MAST4: variants seen among roughly 807,000 people sequenced by gnomAD.
MAST4 encodes microtubule associated serine/threonine kinase family member 4.
MAST4 carries 89 observed loss-of-function variants against 162.7 expected under a neutral mutation model. The ratio of observed to expected loss-of-function variants is 0.55; its 90% CI spans 0.46 to 0.65. The LOEUF (loss-of-function observed/expected upper bound fraction) is 0.65. Among genes scored for constraint, MAST4 ranks in the 30% least tolerant of loss-of-function variants. The pLI is 0.00. For synonymous variants in MAST4, 1,479 were observed against 1,361.1 expected (o/e 1.09, Z -1.91); for missense variants, 3,153 against 3,374.0 (o/e 0.93, Z 1.62).
chr5:66,902,129 G>A (rs1314000494), intron 4 of MAST4, among the ~76,000 whole-genome samples: 4 of 152,088 alleles, frequency 2.6e-5, no homozygotes, highest in Non-Finnish European at 5.9e-5. Flanking sequence ...AGAAAGATTG[G>A]GGTTTGCTTC....
intron 1 of MAST4, among the ~76,000 whole-genome samples, chr5:66,675,109 G>A (rs2149477748): frequency 6.6e-6 from 1 of 152,314 alleles, no homozygotes; most frequent in South Asian, 2.1e-4. Context: ...CGCCTTCTGT[G>A]CCATGCACTC....
chr5:66,868,491 C>CTTTT lies in MAST4; in HGVS notation c.643-31447_643-31444dup, dbSNP rs59614413. 1.2e-4 allele frequency among the ~76,000 whole-genome samples: 16 copies of CTTTT among 135,664 alleles called. 1 individual carries two copies. In the East Asian group the frequency reaches 2.5e-3, roughly 22 times the overall value. The allele number at this position is 135,664 out of a possible 152,430, so 89.0% of individuals were successfully genotyped here. ...TATATACGCAAATAACCATCACAAACTTTTTTTTTTTTTTTTAGCAATAGG... is the reference window on the plus strand; with the variant it reads ...TATATACGCAAATAACCATCACAAACTTTTTTTTTTTTTTTTTTTTAGCAATAGG... On this transcript the variant is annotated intron_variant, in intron 3 of 28. Transcript: ENST00000403625.
At chr5:67,133,366 A>T in intron 16 of MAST4, 148 bp from the exon 17 acceptor site, 2 of 785,808 alleles carry the variant, frequency 2.5e-6, no homozygotes, top group South Asian at 1.8e-5. Flanking sequence ...TCTTTATGTG[A>T]CTCCATCTCT....
intron 4 of MAST4, among the ~76,000 whole-genome samples, chr5:67,025,357 G>A (rs1754514203): frequency 6.6e-6 from 1 of 152,174 alleles, no homozygotes; most frequent in African/African-American, 2.4e-5. Context: ...AACTGTTAAT[G>A]TGATATGGAA....
At chr5:66,926,907 G>A (rs1435716800) in intron 4 of MAST4, among the ~76,000 whole-genome samples, 1 of 152,300 alleles carries the variant, frequency 6.6e-6, no homozygotes, top group South Asian at 2.1e-4. Flanking sequence ...CGTCTGAGGG[G>A]AGAGAGGGAA....
intron 24 of MAST4, among the ~76,000 whole-genome samples, chr5:67,151,593 T>C (rs1771815212): frequency 6.6e-6 from 1 of 152,200 alleles, no homozygotes; most frequent in South Asian, 2.1e-4. Flanking sequence ...TGAGATTCTC[T>C]TCAGGTTTCT....
At chr5:66,697,537 A>G (rs1262936350) in intron 1 of MAST4, among the ~76,000 whole-genome samples, 1 of 152,172 alleles carries the variant, frequency 6.6e-6, no homozygotes, top group Admixed American at 6.5e-5. Flanking sequence ...TTGCAACCAC[A>G]TGTGTCTGTG....
At chr5:67,030,643 T>A (rs1755197333) in intron 4 of MAST4, among the ~76,000 whole-genome samples, 1 of 152,200 alleles carries the variant, frequency 6.6e-6, no homozygotes, top group South Asian at 2.1e-4. Flanking sequence ...GCCCTTCCAT[T>A]CTGTTGTGTA....
chr5:66,931,422 G>C (rs7734995), intron 4 of MAST4, among the ~76,000 whole-genome samples: 1 of 152,038 alleles, frequency 6.6e-6, no homozygotes, highest in East Asian at 1.9e-4. Context: ...TGGAATTTCT[G>C]TACTGGGTTT....
chr5:66,816,341 T>A (rs1221359302), intron 3 of MAST4, among the ~76,000 whole-genome samples: 3 of 152,192 alleles, frequency 2.0e-5, no homozygotes, highest in Non-Finnish European at 4.4e-5. Flanking sequence ...GCACCCCTGT[T>A]CACGGCCACA....
Position 67,167,803 on chromosome 5 carries a change from A to G in MAST4, c.*752A>G, listed in dbSNP as rs1010996254. On this transcript the variant is annotated 3_prime_UTR_variant, in exon 29 of 29. Transcript: ENST00000403625. ...CCATTTTCATTACACGGCCATCCCAATGGACACTGGATCCCTGGTCCAACT... is the reference window on the plus strand; with the variant it reads ...CCATTTTCATTACACGGCCATCCCAGTGGACACTGGATCCCTGGTCCAACT... 6.6e-6 allele frequency: 1 copy of G among 152,262 alleles called. No individual in the cohort carries two copies. The highest frequency in any genetic ancestry group is 2.4e-5 in the African/African-American group (1 of 41,468). 9.4% of individuals were successfully genotyped at this position (152,262 alleles called of 1,614,324 possible).
intron 3 of MAST4, among the ~76,000 whole-genome samples, chr5:66,888,198 A>G (rs1281033053): frequency 6.6e-6 from 1 of 152,230 alleles, no homozygotes; most frequent in Non-Finnish European, 1.5e-5. Context: ...TTTCGGTACC[A>G]TTAGAGGCTT....
At chr5:66,813,702 T>C (rs1580515823) in intron 3 of MAST4, among the ~76,000 whole-genome samples, 1 of 152,252 alleles carries the variant, frequency 6.6e-6, no homozygotes, top group Non-Finnish European at 1.5e-5. Context: ...TTACATGGCA[T>C]TGAGTAGATA....
At chr5:66,780,264 A>G (rs942582297) in intron 2 of MAST4, among the ~76,000 whole-genome samples, 11 of 151,834 alleles carry the variant, frequency 7.2e-5, no homozygotes, top group Admixed American at 4.6e-4. Flanking sequence ...TACACTTTCT[A>G]TGAAAGAATG....
intron 11 of MAST4, among the ~76,000 whole-genome samples, chr5:67,113,808 T>G (rs970561646): frequency 6.6e-6 from 1 of 152,216 alleles, no homozygotes; most frequent in African/African-American, 2.4e-5. Context: ...GAGCGAGATC[T>G]TAAGTGGAGC....
chr5:67,072,319 CT>C (rs1761092915), intron 5 of MAST4, among the ~76,000 whole-genome samples: 1 of 152,098 alleles, frequency 6.6e-6, no homozygotes, highest in Non-Finnish European at 1.5e-5. Flanking sequence ...AAATGTTCAT[CT>C]GAATAGACAT....
At chr5:67,028,799 T>A (rs1215347401) in intron 4 of MAST4, among the ~76,000 whole-genome samples, 59 of 152,076 alleles carry the variant, frequency 3.9e-4, no homozygotes, top group Non-Finnish European at 1.5e-5. Flanking sequence ...TATGTGGATC[T>A]GGATGGAAGG....
intron 3 of MAST4, among the ~76,000 whole-genome samples, chr5:66,871,183 A>G (rs903077869): frequency 1.3e-5 from 2 of 152,194 alleles, no homozygotes; most frequent in African/African-American, 4.8e-5. Flanking sequence ...CCAGTGGAAC[A>G]CTGTTATATA....
Position 66,860,847 on chromosome 5 carries a change from C to T in MAST4, c.643-39104C>T, listed in dbSNP as rs1013426872. Among the ~76,000 whole-genome samples, 4 of 151,496 alleles carry T rather than the reference C, an allele frequency of 2.6e-5. No homozygotes were observed. In the South Asian group the frequency reaches 8.3e-4, roughly 31 times the overall value. ...TGCTTCCTTCCTACTTTGCATGCCA[C>T]TAGGCGCCTGGGACAATCAGAGTGG... On this transcript the variant is annotated intron_variant, in intron 3 of 28. Coordinates refer to ENST00000403625, the MANE Select transcript of MAST4 (RefSeq NM_001164664.2).
Sources: gnomAD v4.1 joint callset for allele counts (sites outside exome capture counted in the v4.1 genomes callset) on GRCh38, gnomAD v4.1.1 for gene constraint, MANE v1.5 for transcripts, NCBI Gene and HGNC (gene_info 2026-07-23, HGNC 2026-07-21) for gene names.